The following ATP8B1 variants were observed in gnomAD, a reference collection of about 807,000 sequenced individuals.
ATP8B1 encodes the protein phospholipid-transporting ATPase IC.
ATP8B1 carries 80 observed loss-of-function variants against 149.9 expected under a neutral mutation model. That is an observed-to-expected ratio of 0.53 (90% CI 0.45 to 0.64). The LOEUF (loss-of-function observed/expected upper bound fraction) is 0.64. ATP8B1 is among the 30% of genes least tolerant of loss of function. The probability of loss-of-function intolerance (pLI) is 0.00; values close to 1 mark genes in which losing one functional copy is unlikely to be tolerated. For missense variants in ATP8B1, 1,247 were observed against 1,552.6 expected (o/e 0.80, Z 3.31); for synonymous variants, 536 against 562.8 (o/e 0.95, Z 0.67).
intron 6 of ATP8B1, among the ~76,000 whole-genome samples, chr18:57,699,012 A>C (rs1169345671): frequency 6.6e-6 from 1 of 152,232 alleles, no homozygotes; most frequent in South Asian, 2.1e-4. Context: ...AAAGTACTCC[A>C]TAAGTGTTTG....
At chr18:57,691,126 G>A (rs894111066) in intron 12 of ATP8B1, among the ~76,000 whole-genome samples, 1 of 143,212 alleles carries the variant, frequency 7.0e-6, no homozygotes. Flanking sequence ...AGTGAGCCTA[G>A]ATCATGCCAT....
intron 1 of ATP8B1, among the ~76,000 whole-genome samples, chr18:57,771,994 T>G (rs1052478767): frequency 1.3e-5 from 2 of 152,346 alleles, no homozygotes; most frequent in East Asian, 3.9e-4. Context: ...AAAAACATGT[T>G]ATGTTGGTTA....
At chr18:57,719,407 T>C (rs60840483) in intron 2 of ATP8B1, among the ~76,000 whole-genome samples, 12,547 of 152,202 alleles carry the variant, frequency 0.082, 867 homozygotes, top group African/African-American at 0.19. Context: ...GTGCGCGCAC[T>C]GTGCGCGAGC....
intron 1 of ATP8B1, among the ~76,000 whole-genome samples, chr18:57,800,562 T>G (rs1364343986): frequency 6.6e-6 from 1 of 152,176 alleles, no homozygotes; most frequent in Non-Finnish European, 1.5e-5. Context: ...CTTAAAAATA[T>G]ACCAGATACC....
At chr18:57,767,042 G>A (rs1046997679) in intron 1 of ATP8B1, among the ~76,000 whole-genome samples, 1 of 152,160 alleles carries the variant, frequency 6.6e-6, no homozygotes, top group African/African-American at 2.4e-5. Context: ...TGGGCAGTCA[G>A]AGAGTGATGG....
chr18:57,737,532 C>T (rs566016888), intron 1 of ATP8B1, among the ~76,000 whole-genome samples: 5 of 150,850 alleles, frequency 3.3e-5, no homozygotes, highest in African/African-American at 1.2e-4. Context: ...GGACTAGAAG[C>T]ATGAGCCACC....
chr18:57,699,540 C>G (rs536735855), intron 6 of ATP8B1, among the ~76,000 whole-genome samples: 4 of 151,682 alleles, frequency 2.6e-5, no homozygotes, highest in African/African-American at 7.3e-5. Flanking sequence ...ATTAAGACCA[C>G]GGTGAAACCC....
intron 1 of ATP8B1, among the ~76,000 whole-genome samples, chr18:57,776,981 CTTT>C (rs781610628): frequency 1.4e-5 from 2 of 138,720 alleles, no homozygotes; most frequent in Admixed American, 7.3e-5. Flanking sequence ...TTTTCTCAGG[CTTT>C]TTTTTTTTTT....
intron 8 of ATP8B1, among the ~76,000 whole-genome samples, 187 bp downstream of exon 8, chr18:57,697,431 G>A (rs1382278563): frequency 1.3e-5 from 2 of 152,114 alleles, no homozygotes; most frequent in African/African-American, 2.4e-5. Context: ...TTCCCTGAGA[G>A]GTGGAGAAAC....
chr18:57,672,507 G>T (rs576763971), intron 16 of ATP8B1, among the ~76,000 whole-genome samples: 4 of 152,206 alleles, frequency 2.6e-5, no homozygotes, highest in Admixed American at 1.3e-4. Flanking sequence ...AGTGGAGAAG[G>T]CTTGTAGATA....
chr18:57,758,962 C>G (rs544718504), intron 1 of ATP8B1, among the ~76,000 whole-genome samples: 1 of 151,858 alleles, frequency 6.6e-6, no homozygotes, highest in African/African-American at 2.4e-5. Flanking sequence ...TCAAGACTAT[C>G]CTGGCCAACA....
chr18:57,712,304 T>A (rs1158668045), intron 2 of ATP8B1, among the ~76,000 whole-genome samples: 1 of 151,926 alleles, frequency 6.6e-6, no homozygotes, highest in African/African-American at 2.4e-5. Context: ...CAGCACCAGA[T>A]GTGTGGCATG....
At position 57,661,197 on chromosome 18, in the gene ATP8B1, G is replaced by A; in HGVS notation, c.2684C>T (p.Ala895Val). 6.2e-7 allele frequency: 1 copy of A among 1,613,878 alleles called. No homozygotes were observed. Among genetic ancestry groups the A allele is most frequent in the African/African-American group, 1.3e-5 (1 of 75,006 alleles). Reference protein sequence around the residue: ...KAITLAIGDGANDVNMIKTAH... With the variant: ...KAITLAIGDGVNDVNMIKTAH... ...ACTTTTGATCATGTTCACGTCATTG[G>A]CCCCATCTCCGATGGCCAGCGTGAT... Residue 895 changes from alanine to valine, a missense_variant, in exon 22 of 28, where the codon GCC (alanine) becomes GTC (valine). Ala to Val is a moderately conservative substitution (Grantham distance 64). Coordinates refer to ENST00000648908, the MANE Select transcript of ATP8B1 (RefSeq NM_001374385.1).
At chr18:57,661,087 A>T in intron 22 of ATP8B1, 87 bp downstream of exon 22, 1 of 1,522,670 alleles carries the variant, frequency 6.6e-7, no homozygotes, top group Non-Finnish European at 8.9e-7. Flanking sequence ...TGTAAAATCT[A>T]AAAAAAGAAA....
chr18:57,665,595 C>T (rs1445753486), intron 20 of ATP8B1, among the ~76,000 whole-genome samples: 6 of 152,010 alleles, frequency 3.9e-5, no homozygotes, highest in African/African-American at 1.4e-4. Flanking sequence ...CTCTGTCACC[C>T]AGGCAGGAGT....
intron 1 of ATP8B1, chr18:57,740,391 T>TA (rs1233264695): frequency 6.6e-6 from 1 of 152,166 alleles, no homozygotes; most frequent in East Asian, 1.9e-4. Context: ...TAATATATAA[T>TA]AAGTATGAAT....
chr18:57,666,753 C>G (rs767164710), intron 20 of ATP8B1, among the ~76,000 whole-genome samples: 3 of 152,072 alleles, frequency 2.0e-5, no homozygotes, highest in Non-Finnish European at 2.9e-5. Context: ...CCAGGCTGCT[C>G]TAGAACTCCT....
chr18:57,693,708 C>T, intron 11 of ATP8B1, among the ~76,000 whole-genome samples: 1 of 148,886 alleles, frequency 6.7e-6, no homozygotes, highest in East Asian at 2.0e-4. Context: ...AACTCAATCT[C>T]AAAAAAAAAC....
chr18:57,755,652 G>A (rs2080070051), intron 1 of ATP8B1, among the ~76,000 whole-genome samples: 1 of 152,168 alleles, frequency 6.6e-6, no homozygotes. Context: ...TCAGCTGCCT[G>A]GCTTCACATA....
Sources: gnomAD v4.1 joint callset for allele counts (sites outside exome capture counted in the v4.1 genomes callset) on GRCh38, gnomAD v4.1.1 for gene constraint, MANE v1.5 for transcripts, NCBI Gene and HGNC (gene_info 2026-07-23, HGNC 2026-07-21) for gene names.